Variants in ZNF140 observed in about 807,000 individuals in gnomAD.
ZNF140 encodes the protein zinc finger protein 140.
Under a neutral mutation model 12.9 loss-of-function variants are expected in ZNF140, and 13 were observed. The observed-to-expected ratio is 1.01, with a 90% CI of 0.66 to 1.60. The LOEUF (loss-of-function observed/expected upper bound fraction) is 1.60, where lower values mean the gene tolerates loss of function less well. ZNF140 is among the 40% of genes most tolerant of loss of function. The probability of loss-of-function intolerance (pLI) is 0.00; values close to 1 mark genes in which losing one functional copy is unlikely to be tolerated. For synonymous variants in ZNF140, 214 were observed against 186.7 expected (o/e 1.15, Z -1.19); for missense variants, 531 against 548.8 (o/e 0.97, Z 0.32).
At position 133,090,851 on chromosome 12, in the gene ZNF140, T is replaced by C. The variant is rs368061123; in HGVS notation, c.232+7290T>C. On this transcript the variant is annotated intron_variant, in intron 4 of 4. Transcript: ENST00000355557. Reference sequence around the variant, plus strand: ...TTTAAGGGAAGGTACTATGCCTAGATGTGCATGTAATCCAGATTTATGTTT... The same window carrying C: ...TTTAAGGGAAGGTACTATGCCTAGACGTGCATGTAATCCAGATTTATGTTT... 2.4e-3 allele frequency among the ~76,000 whole-genome samples: 313 copies of C among 128,916 alleles called. 9 individuals carry two copies. Among genetic ancestry groups the C allele is most frequent in the Middle Eastern group, 0.011 (3 of 264 alleles). The allele number at this position is 128,916 out of a possible 152,430, so 84.6% of individuals were successfully genotyped here.
At chr12:133,103,659 A>G (rs1955449374) in intron 4 of ZNF140, among the ~76,000 whole-genome samples, 1 of 152,170 alleles carries the variant, frequency 6.6e-6, no homozygotes, top group African/African-American at 2.4e-5. Context: ...TTTCTAGATG[A>G]AGCCTTTATT....
chr12:133,083,232 A>G lies in ZNF140; in HGVS notation c.136+3A>G. The G allele has an allele frequency of 6.2e-7, 1 of 1,608,610 alleles. No individual in the cohort carries two copies. Among genetic ancestry groups the G allele is most frequent in the South Asian group, 1.1e-5 (1 of 90,938 alleles). On this transcript the variant is annotated splice_donor_region_variant and intron_variant, in intron 3 of 4. Coordinates refer to ENST00000355557, the MANE Select transcript of ZNF140 (RefSeq NM_003440.4). ...CTATGGCCATCTGGTCTCACTGGGT[A>G]AGTATTCTTCTTCATCTCCCTCAAG...
At chr12:133,089,682 A>G (rs1334985623) in intron 4 of ZNF140, among the ~76,000 whole-genome samples, 1 of 152,120 alleles carries the variant, frequency 6.6e-6, no homozygotes, top group Non-Finnish European at 1.5e-5. Context: ...ATGCCCATGA[A>G]ATTTGTACTG....
intron 4 of ZNF140, among the ~76,000 whole-genome samples, chr12:133,086,331 G>C (rs1954675809): frequency 6.6e-6 from 1 of 152,200 alleles, no homozygotes. Flanking sequence ...ATAAGTGAAT[G>C]CCTGTTGGGC....
At chr12:133,082,247 G>A (rs1467536036) in intron 2 of ZNF140, 4 of 152,276 alleles carry the variant, frequency 2.6e-5, no homozygotes, top group African/African-American at 9.6e-5. Context: ...GTTTTGCTGG[G>A]GAATCCAATT....
At position 133,106,534 on chromosome 12, in the gene ZNF140, C is replaced by A. The variant is rs1442349165; in HGVS notation, c.1257C>A (p.Asn419Lys). The change falls in exon 5 of 5, where the codon AAC becomes AAA. Residue 419 changes from asparagine to lysine, a missense_variant. Physicochemically the swap from Asn to Lys is moderately conservative, Grantham distance 94 (BLOSUM62 0). Transcript: ENST00000355557. ...AACCCTATGTATGTAAGGTATGCAA[C>A]AAATCCTTCAGCTGGAGCTCAAACC... is the stretch of plus-strand genomic sequence containing the variant. ...GEKPYVCKVC[N>K]KSFSWSSNLA... 6.2e-7 allele frequency: 1 copy of A among 1,613,982 alleles called. No individual in the cohort carries two copies. Among genetic ancestry groups the A allele is most frequent in the Non-Finnish European group, 8.5e-7 (1 of 1,179,998 alleles).
intron 2 of ZNF140, chr12:133,082,885 TCAG>T: frequency 1.8e-6 from 1 of 553,892 alleles, no homozygotes; most frequent in Non-Finnish European, 3.0e-6. Context: ...GTAAATTATC[TCAG>T]GACAGATAAT....
At chr12:133,082,491 C>G (rs1194959077) in intron 2 of ZNF140, 1 of 152,634 alleles carries the variant, frequency 6.6e-6, no homozygotes, top group East Asian at 1.9e-4. Context: ...TTCCCCCTAA[C>G]TCTGAGGGAA....
chr12:133,087,219 G>A (rs976653189), intron 4 of ZNF140, among the ~76,000 whole-genome samples: 9 of 151,976 alleles, frequency 5.9e-5, no homozygotes, highest in Non-Finnish European at 1.2e-4. Context: ...AGGACCTGGC[G>A]ATTGGCTAGA....
At chr12:133,083,014 A>G (rs1954554899) in intron 2 of ZNF140, 89 bp from the exon 3 acceptor site, 2 of 1,598,326 alleles carry the variant, frequency 1.3e-6, no homozygotes, top group Non-Finnish European at 1.7e-6. Flanking sequence ...CACATTGCCT[A>G]ACCTCCACAG....
chr12:133,092,059 A>G lies in ZNF140; in HGVS notation c.232+8498A>G, dbSNP rs954910019. Among the ~76,000 whole-genome samples, 1,413 of 151,304 alleles carry G rather than the reference A, an allele frequency of 9.3e-3. 99 individuals carry two copies. The highest frequency in any genetic ancestry group is 0.033 in the African/African-American group (1,348 of 40,920). On this transcript the variant is annotated intron_variant, in intron 4 of 4. Coordinates refer to ENST00000355557, the MANE Select transcript of ZNF140 (RefSeq NM_003440.4). ...ATTTTTGATCTATTTGAGTCTGAGA[A>G]TTCCACAGTCTTGAGGAATTCTTTT...
intron 4 of ZNF140, among the ~76,000 whole-genome samples, chr12:133,098,170 T>G (rs1955208638): frequency 6.6e-6 from 1 of 152,116 alleles, no homozygotes; most frequent in Non-Finnish European, 1.5e-5. Context: ...TTATATGATT[T>G]CATTTTCTCT....
Position 133,105,987 on chromosome 12 carries a change from G to A in ZNF140, c.710G>A (p.Arg237Lys). The part of the protein sequence containing the change: ...SYLSFLIEHQ[R>K]THTGEKPYEC... ...CTTTCATTTCTTATTGAACACCAGA[G>A]AACGCACACTGGGGAGAAACCTTAT... The change falls in exon 5 of 5, where the codon AGA becomes AAA. Residue 237 changes from arginine (R) to lysine (K), a missense_variant. Coordinates refer to ENST00000355557, the MANE Select transcript of ZNF140 (RefSeq NM_003440.4). 5 of 1,614,086 alleles carry A rather than the reference G, an allele frequency of 3.1e-6. No individual in the cohort carries two copies. Among genetic ancestry groups the A allele is most frequent in the Non-Finnish European group, 4.2e-6 (5 of 1,180,036 alleles).
At position 133,083,480 on chromosome 12, in the gene ZNF140, A is replaced by G. The variant is rs1954569554; in HGVS notation, c.151A>G (p.Lys51Glu). ...HLVSLGLSIS[K>E]PDVVSLLEQG... ...TCTGCAAGCAGGTCTTTCCATTTCTAAGCCAGATGTGGTTTCCTTATTGGA... is the reference window on the plus strand; with the variant it reads ...TCTGCAAGCAGGTCTTTCCATTTCTGAGCCAGATGTGGTTTCCTTATTGGA... Residue 51 changes from lysine to glutamate, a missense_variant, in exon 4 of 5, where the codon AAG becomes GAG. By Grantham distance (56) the Lys-to-Glu change is moderately conservative. Transcript: ENST00000355557. The G allele has an allele frequency of 4.3e-6, 7 of 1,612,600 alleles. No homozygotes were observed. The South Asian group carries it at 7.7e-5, about 18-fold the overall frequency.
At chr12:133,100,991 C>T (rs1955326831) in intron 4 of ZNF140, 1 of 454,928 alleles carries the variant, frequency 2.2e-6, no homozygotes, top group Non-Finnish European at 4.4e-6. Context: ...ACAAAGGTAA[C>T]TGAAGTGGTG....
intron 4 of ZNF140, among the ~76,000 whole-genome samples, chr12:133,100,046 T>C (rs1203246964): frequency 6.6e-6 from 1 of 151,978 alleles, no homozygotes; most frequent in African/African-American, 2.4e-5. Flanking sequence ...TCAGGGGATA[T>C]TTTCCACAAC....
At chr12:133,095,993 C>T (rs1005310588) in intron 4 of ZNF140, among the ~76,000 whole-genome samples, 1 of 151,166 alleles carries the variant, frequency 6.6e-6, no homozygotes, top group Non-Finnish European at 1.5e-5. Context: ...CTTCCTCTAT[C>T]TCAACTGCAA....
At chr12:133,098,207 C>T (rs917532689) in intron 4 of ZNF140, among the ~76,000 whole-genome samples, 9 of 152,192 alleles carry the variant, frequency 5.9e-5, no homozygotes, top group Non-Finnish European at 8.8e-5. Context: ...GATTATACTT[C>T]TTTTTCTCAT....
intron 4 of ZNF140, among the ~76,000 whole-genome samples, chr12:133,096,115 G>A (rs375169835): frequency 1.5e-4 from 22 of 151,438 alleles, no homozygotes; most frequent in African/African-American, 4.9e-4. Flanking sequence ...ACTATCACAT[G>A]GGGAGAAACC....
Sources: gnomAD v4.1 joint callset for allele counts (sites outside exome capture counted in the v4.1 genomes callset) on GRCh38, gnomAD v4.1.1 for gene constraint, MANE v1.5 for transcripts, NCBI Gene and HGNC (gene_info 2026-07-23, HGNC 2026-07-21) for gene names.